The following UMODL1 variants were observed in gnomAD, a reference collection of about 807,000 sequenced individuals.
The protein encoded by UMODL1 is uromodulin-like 1.
UMODL1 carries 128 observed loss-of-function variants against 136.3 expected under a neutral mutation model. The observed-to-expected ratio is 0.94, with a 90% CI of 0.81 to 1.09. The LOEUF is 1.09. Ranked by LOEUF, UMODL1 falls within the 50% of genes least tolerant of loss-of-function variation. The probability of loss-of-function intolerance (pLI) is 0.00; values close to 1 mark genes in which losing one functional copy is unlikely to be tolerated. For synonymous variants in UMODL1, 721 were observed against 720.0 expected (o/e 1.00, Z -0.02); for missense variants, 1,766 against 1,725.6 (o/e 1.02, Z -0.41).
chr21:42,108,922 C>T (rs1258527995), intron 9 of UMODL1, among the ~76,000 whole-genome samples: 3 of 60,374 alleles, frequency 5.0e-5, no homozygotes, highest in East Asian at 1.3e-3. Flanking sequence ...CCACCCCCCC[C>T]ACGAGAGAAG....
At chr21:42,101,626 A>G (rs1027667373) in intron 7 of UMODL1, 1 of 440,024 alleles carries the variant, frequency 2.3e-6, no homozygotes, top group Non-Finnish European at 4.6e-6. Context: ...TCCCATCTTG[A>G]AGCTTTTTTC....
At chr21:42,077,363 G>A (rs1027460610) in intron 2 of UMODL1, among the ~76,000 whole-genome samples, 5 of 151,888 alleles carry the variant, frequency 3.3e-5, no homozygotes, top group East Asian at 3.9e-4. Context: ...ATTAGCCGGC[G>A]ACCGAGAGAC....
intron 7 of UMODL1, among the ~76,000 whole-genome samples, chr21:42,101,215 C>T (rs1183281620): frequency 2.0e-5 from 3 of 151,896 alleles, no homozygotes; most frequent in East Asian, 1.9e-4. Context: ...ACGGTGGCAG[C>T]GGATGCCCAG....
In UMODL1 at chr21:42,113,645, A is replaced by T; in HGVS notation, c.2177A>T (p.Asp726Val). Reference protein sequence around the residue: ...STGFHLAWEADLAMDSTFQLT... With the variant: ...STGFHLAWEAVLAMDSTFQLT... Reference sequence around the variant, plus strand: ...GGCTTCCACCTGGCATGGGAGGCGGATCTTGCTATGGACTCCACCTTCCAG... The same window carrying T: ...GGCTTCCACCTGGCATGGGAGGCGGTTCTTGCTATGGACTCCACCTTCCAG... The change falls in exon 13 of 23, where the codon GAT becomes GTT. Residue 726 changes from aspartate (D) to valine (V), a missense_variant. By Grantham distance (152) the Asp-to-Val change is radical. Coordinates refer to ENST00000408910, the MANE Select transcript of UMODL1 (RefSeq NM_001004416.3). 6.2e-7 allele frequency: 1 copy of T among 1,614,014 alleles called. No individual in the cohort carries two copies. The highest frequency in any genetic ancestry group is 2.2e-5 in the East Asian group (1 of 44,870).
intron 13 of UMODL1, among the ~76,000 whole-genome samples, 193 bp from the exon 14 acceptor site, chr21:42,115,680 G>C (rs537217756): frequency 6.6e-6 from 1 of 152,188 alleles, no homozygotes; most frequent in Non-Finnish European, 1.5e-5. Context: ...CTGTGTTCAG[G>C]CTGTGTTCTG....
intron 5 of UMODL1, among the ~76,000 whole-genome samples, chr21:42,089,893 C>T (rs1165681335): frequency 6.6e-6 from 1 of 152,172 alleles, no homozygotes; most frequent in Non-Finnish European, 1.5e-5. Flanking sequence ...GAGGCCTGGG[C>T]CAGCCTCAGA....
Position 42,099,199 on chromosome 21 carries a change from G to C in UMODL1, c.1186+19G>C, listed in dbSNP as rs767990100. On this transcript the variant is annotated intron_variant, in intron 7 of 22. Coordinates refer to ENST00000408910, the MANE Select transcript of UMODL1 (RefSeq NM_001004416.3). The surrounding 1 kb of genome is among the most constrained non-coding windows in gnomAD (Gnocchi z 4.1). ...AAAACCAGTAAGGCCCCCAGTCAGA[G>C]ACCCACGTTAGCTTGCGAGCTTGTC... The C allele has an allele frequency of 6.2e-7, 1 of 1,606,066 alleles. No individual in the cohort carries two copies. The highest frequency in any genetic ancestry group is 8.5e-7 in the Non-Finnish European group (1 of 1,175,162).
At chr21:42,115,208 CTG>C (rs2066887374) in intron 13 of UMODL1, among the ~76,000 whole-genome samples, 1 of 152,216 alleles carries the variant, frequency 6.6e-6, no homozygotes, top group African/African-American at 2.4e-5. Context: ...TGACTGAACA[CTG>C]GGGTGGCTGC....
chr21:42,086,407 G>A lies in UMODL1; in HGVS notation c.603+995G>A, dbSNP rs148563846. On this transcript the variant is annotated intron_variant, in intron 4 of 22. Coordinates refer to ENST00000408910, the MANE Select transcript of UMODL1 (RefSeq NM_001004416.3). ...GGCCGTTAGACTAAGCTGGCTGGCA[G>A]CCCAGATCAGATGGTGCACACCTCA... 372 of 397,664 alleles carry A rather than the reference G, an allele frequency of 9.4e-4. 1 individual carries two copies. Among genetic ancestry groups the A allele is most frequent in the African/African-American group, 6.9e-3 (340 of 48,994 alleles). 24.6% of individuals were successfully genotyped at this position (397,664 alleles called of 1,614,324 possible). A position where few individuals can be genotyped will look rare whatever the true frequency, so the allele number is the denominator to read the frequency against.
Position 42,084,114 on chromosome 21 carries a change from G to C in UMODL1, c.350G>C (p.Arg117Thr). Residue 117 changes from arginine (R) to threonine (T), a missense_variant, in exon 3 of 23, where the codon AGA becomes ACA. Coordinates refer to ENST00000408910, the MANE Select transcript of UMODL1 (RefSeq NM_001004416.3). ...PLNQSGQFTS[R>T]PGACPAEGPE... ...AATCAGTCCGGGCAGTTCACGTCAA[G>C]ACCTGGGGCCTGCCCCGCAGAGGGG... 6.2e-7 allele frequency: 1 copy of C among 1,614,156 alleles called. No individual in the cohort carries two copies. The highest frequency in any genetic ancestry group is 1.1e-5 in the South Asian group (1 of 91,080).
intron 6 of UMODL1, chr21:42,093,987 TC>T (rs1187426672): frequency 3.9e-5 from 18 of 456,308 alleles, no homozygotes; most frequent in Middle Eastern, 3.3e-4. Flanking sequence ...AGGGTGAGAA[TC>T]CTGTCCCTTT....
intron 16 of UMODL1, 144 bp downstream of exon 16, chr21:42,121,368 CGTGTGT>C (rs60666132): frequency 2.0e-5 from 14 of 712,630 alleles, no homozygotes; most frequent in Middle Eastern, 4.2e-4. Flanking sequence ...TGTGGGTGCA[CGTGTGT>C]GTGTGTGTGT....
At chr21:42,126,858 C>T (rs2123364249) in intron 18 of UMODL1, 148 bp from the exon 19 acceptor site, 1 of 764,888 alleles carries the variant, frequency 1.3e-6, no homozygotes, top group South Asian at 1.6e-5. Flanking sequence ...TAAATGGCCT[C>T]CAAGTGCTCT....
In UMODL1 at chr21:42,127,761, A is replaced by G. The variant is rs1209424611; in HGVS notation, c.3620A>G (p.Asn1207Ser). The G allele has an allele frequency of 1.2e-6, 2 of 1,614,126 alleles. No individual in the cohort carries two copies. The highest frequency in any genetic ancestry group is 2.2e-5 in the East Asian group (1 of 44,884). Residue 1207 changes from asparagine to serine, a missense_variant, in exon 20 of 23, where the codon AAC becomes AGC. Coordinates refer to ENST00000408910, the MANE Select transcript of UMODL1 (RefSeq NM_001004416.3). ...QFKLRIFSFINDSIVYLHCKL... is the reference protein window; with the variant it reads ...QFKLRIFSFISDSIVYLHCKL... ...AAGCTGAGGATCTTTTCCTTTATCA[A>G]CGACTCCATCGTCTACCTGCACTGC...
Position 42,126,419 on chromosome 21 carries a change from G to C in UMODL1, c.3222G>C (p.Lys1074Asn). The change falls in exon 18 of 23, where the codon AAG (lysine) becomes AAC (asparagine). Residue 1074 changes from lysine (K) to asparagine (N), a missense_variant. Transcript: ENST00000408910. ...AGGAGGGCATCATCCACCACCTGAA[G>C]ATCCTGAGCCCCATCTACTGCGCCT... The part of the protein sequence containing the change: ...LSQEGIIHHL[K>N]ILSPIYCAFQ... The C allele has an allele frequency of 6.2e-7, 1 of 1,614,226 alleles. No individual in the cohort carries two copies. The highest frequency in any genetic ancestry group is 1.1e-5 in the South Asian group (1 of 91,084).
At chr21:42,092,439 T>C (rs1451203318) in intron 6 of UMODL1, among the ~76,000 whole-genome samples, 1 of 152,146 alleles carries the variant, frequency 6.6e-6, no homozygotes, top group Non-Finnish European at 1.5e-5. Context: ...TGTGTAATTT[T>C]ATAAGCTGCT....
At chr21:42,119,926 C>A (rs945210877) in intron 15 of UMODL1, among the ~76,000 whole-genome samples, 12 of 152,090 alleles carry the variant, frequency 7.9e-5, no homozygotes, top group Admixed American at 7.2e-4. Flanking sequence ...AAAATAAAGG[C>A]ACCATTTTAA....
At chr21:42,113,024 C>G (rs552032933) in intron 12 of UMODL1, 29 of 153,008 alleles carry the variant, frequency 1.9e-4, no homozygotes, top group African/African-American at 7.0e-4. Context: ...TAGCCTGCCT[C>G]TGGATTTCAT....
At chr21:42,117,544 T>G (rs1429471089) in intron 14 of UMODL1, among the ~76,000 whole-genome samples, 1 of 152,170 alleles carries the variant, frequency 6.6e-6, no homozygotes, top group African/African-American at 2.4e-5. Context: ...ATCTAGTGAT[T>G]TTGTTTGCAC....
Sources: allele counts gnomAD v4.1 joint callset (sites outside exome capture counted in the v4.1 genomes callset), GRCh38; gene constraint gnomAD v4.1.1; non-coding constraint Gnocchi (gnomAD v3.1); transcripts MANE v1.5; gene names NCBI Gene and HGNC (gene_info 2026-07-23, HGNC 2026-07-21).